DNHD1: variants seen among roughly 807,000 people sequenced by gnomAD.
DNHD1 encodes the protein dynein heavy chain domain-containing protein 1.
DNHD1 carries 383 observed loss-of-function variants against 458.1 expected under a neutral mutation model. The ratio of observed to expected loss-of-function variants is 0.84; its 90% confidence interval spans 0.77 to 0.91. The LOEUF (loss-of-function observed/expected upper bound fraction) is 0.91. DNHD1 is among the 40% of genes least tolerant of loss of function. The pLI is 0.00. For synonymous variants in DNHD1, 2,203 were observed against 2,376.9 expected (o/e 0.93, Z 2.13); for missense variants, 5,336 against 5,866.1 (o/e 0.91, Z 2.95).
chr11:6,507,862 T>C (rs777757401), intron 4 of DNHD1, among the ~76,000 whole-genome samples: 14 of 152,252 alleles, frequency 9.2e-5, no homozygotes, highest in Non-Finnish European at 1.9e-4. Context: ...TAAGAAACTT[T>C]AGTAACTTTG....
Position 6,533,995 on chromosome 11 carries a change from G to C in DNHD1, c.2820G>C (p.Leu940=). Residue 940 remains leucine (L), a synonymous_variant, in exon 14 of 43, where the codon CTG becomes CTC. Coordinates refer to ENST00000254579, the MANE Select transcript of DNHD1 (RefSeq NM_144666.3). The part of the protein sequence containing the change: ...RHAIMPKLQQ[L]MAAALAELEG... ...CCATTATGCCCAAGCTGCAGCAGCT[G>C]ATGGCAGCAGCATTGGCAGAGCTGG... 1.3e-6 allele frequency: 2 copies of C among 1,551,566 alleles called. No individual in the cohort carries two copies. Among genetic ancestry groups the C allele is most frequent in the Non-Finnish European group, 8.7e-7 (1 of 1,146,944 alleles).
In DNHD1 at chr11:6,566,586, G is replaced by C; in HGVS notation, c.11207-1G>C. Reference sequence around the variant, plus strand: ...TTAAGCATCTCCCATGTTACCCCAAGTGCTAGGTTGTGAACTGCTAAAGGG... The same window carrying C: ...TTAAGCATCTCCCATGTTACCCCAACTGCTAGGTTGTGAACTGCTAAAGGG... On this transcript the variant is annotated splice_acceptor_variant, in intron 34 of 42. Transcript: ENST00000254579. LOFTEE classifies it high-confidence loss of function. The C allele has an allele frequency of 6.2e-7, 1 of 1,613,462 alleles. No homozygotes were observed. The highest frequency in any genetic ancestry group is 8.5e-7 in the Non-Finnish European group (1 of 1,179,768).
chr11:6,566,460 A>G (rs371161597), intron 34 of DNHD1, 67 bp downstream of exon 34: 1 of 1,543,914 alleles, frequency 6.5e-7, no homozygotes, highest in South Asian at 1.2e-5. Flanking sequence ...CACCAGCCCT[A>G]AGAGGGCTTC....
chr11:6,548,204 G>A lies in DNHD1; in HGVS notation c.6906-6G>A, dbSNP rs374254223. 5.8e-6 allele frequency: 9 copies of A among 1,551,252 alleles called. No individual in the cohort carries two copies. In the African/African-American group the frequency reaches 1.1e-4, roughly 19 times the overall value. ...GACGCTTTTGCCTGTGTGTCCATCT[G>A]AGCAGGTTCTGGCCCATCTTTGATA... On this transcript the variant is annotated splice_region_variant and splice_polypyrimidine_tract_variant and intron_variant, in intron 22 of 42. Transcript: ENST00000254579. The surrounding 1 kb of genome is among the most constrained non-coding windows in gnomAD (Gnocchi z 4.4).
chr11:6,512,242 A>G (rs1209406180), intron 7 of DNHD1, among the ~76,000 whole-genome samples: 1 of 75,598 alleles, frequency 1.3e-5, no homozygotes, highest in Non-Finnish European at 2.2e-5. Context: ...TTTTTTTGAG[A>G]CGGAGTCTCG....
At chr11:6,555,955 C>T (rs1564819585) in intron 24 of DNHD1, among the ~76,000 whole-genome samples, 2 of 151,976 alleles carry the variant, frequency 1.3e-5, no homozygotes, top group African/African-American at 4.8e-5. Flanking sequence ...GTATGTAAAT[C>T]ATGTCTTAAT....
In DNHD1 at chr11:6,547,116, T is replaced by C. The variant is rs1180606019; in HGVS notation, c.6177T>C (p.Leu2059=). The C allele has an allele frequency of 6.4e-7, 1 of 1,551,712 alleles. No homozygotes were observed. The highest frequency in any genetic ancestry group is 1.2e-5 in the South Asian group (1 of 84,062). Residue 2059 remains leucine, a synonymous_variant, in exon 21 of 43, where the codon CTT becomes CTC. Transcript: ENST00000254579. The part of the protein sequence containing the change: ...CWHHGIFPKV[L]RAAGQCNNMG... ...ATCATGGCATCTTTCCCAAGGTACT[T>C]CGTGCAGCCGGTCAGTGTAACAACA...
chr11:6,563,716 G>A lies in DNHD1; in HGVS notation c.9876G>A (p.Glu3292=). 6.5e-7 allele frequency: 1 copy of A among 1,546,962 alleles called. No homozygotes were observed. The highest frequency in any genetic ancestry group is 2.4e-5 in the East Asian group (1 of 40,826). ...AGGAGCTGGTGTTCTTCCCCAAGGA[G>A]AAGATAACAGACTCAGAGCTGATAA... The part of the protein sequence containing the change: ...FYQELVFFPK[E]KITDSELIKL... The change falls in exon 31 of 43, where the codon GAG becomes GAA. Residue 3292 remains glutamate (E), a synonymous_variant. Transcript: ENST00000254579.
At chr11:6,502,474 A>T (rs572671840) in intron 3 of DNHD1, among the ~76,000 whole-genome samples, 1 of 152,232 alleles carries the variant, frequency 6.6e-6, no homozygotes, top group African/African-American at 2.4e-5. Flanking sequence ...GGTAATTCCA[A>T]TCAATCCAGA....
rs568455146 is a variant in DNHD1 at position 6,532,456 on chromosome 11, TC to T, written c.2348-570del. Among the ~76,000 whole-genome samples the T allele has an allele frequency of 7.7e-3, 1,180 of 152,342 alleles. 13 individuals carry two copies. The highest frequency in any genetic ancestry group is 0.025 in the South Asian group (119 of 4,826). ...TTAATCCTTAAAAACAAAAGGCAGATCATACTACCTTCTTGGTCCCCTTCTT... is the reference window on the plus strand; with the variant it reads ...TTAATCCTTAAAAACAAAAGGCAGATATACTACCTTCTTGGTCCCCTTCTT... On this transcript the variant is annotated intron_variant, in intron 12 of 42. Coordinates refer to ENST00000254579, the MANE Select transcript of DNHD1 (RefSeq NM_144666.3).
Position 6,545,726 on chromosome 11 carries a change from TCA to T in DNHD1, c.4790_4791del (p.Thr1597ArgfsTer27), listed in dbSNP as rs1853198117. ...CTGGAACAGCACCAGGTCAGTGATC[TCA>T]CAGACTTTCACTGGGTCCGCCAACT... On this transcript the variant is annotated frameshift_variant, in exon 21 of 43. Coordinates refer to ENST00000254579, the MANE Select transcript of DNHD1 (RefSeq NM_144666.3). This position sits in a 1 kb window ranked among gnomAD's most constrained non-coding sequence, Gnocchi z 4.9. The T allele has an allele frequency of 9.7e-6, 15 of 1,551,678 alleles. No homozygotes were observed. The highest frequency in any genetic ancestry group is 1.3e-5 in the Non-Finnish European group (15 of 1,147,002).
chr11:6,545,975 A>T lies in DNHD1; in HGVS notation c.5036A>T (p.Glu1679Val), dbSNP rs1311767635. Residue 1679 changes from glutamate (E) to valine (V), a missense_variant, in exon 21 of 43, where the codon GAG becomes GTG. By Grantham distance (121) the Glu-to-Val change is moderately radical. This residue lies in a region of DNHD1 where 3,932 missense variants were observed against 4,365.6 expected (regional missense o/e 0.90). Coordinates refer to ENST00000254579, the MANE Select transcript of DNHD1 (RefSeq NM_144666.3). The surrounding 1 kb of genome is among the most constrained non-coding windows in gnomAD (Gnocchi z 4.9). ...PALVLLLALE[E>V]VACGTVLGPN... Reference sequence around the variant, plus strand: ...CTGGTACTATTATTGGCCCTAGAGGAGGTGGCCTGTGGGACCGTACTGGGT... The same window carrying T: ...CTGGTACTATTATTGGCCCTAGAGGTGGTGGCCTGTGGGACCGTACTGGGT... 6.4e-7 allele frequency: 1 copy of T among 1,551,734 alleles called. No homozygotes were observed. Among genetic ancestry groups the T allele is most frequent in the Admixed American group, 2.0e-5 (1 of 51,010 alleles).
At chr11:6,510,711 A>G (rs1852320161) in intron 6 of DNHD1, among the ~76,000 whole-genome samples, 1 of 152,238 alleles carries the variant, frequency 6.6e-6, no homozygotes, top group Non-Finnish European at 1.5e-5. Context: ...AGTACCTCTC[A>G]GTAGACACTG....
chr11:6,504,760 G>C (rs916234732), intron 4 of DNHD1, among the ~76,000 whole-genome samples: 1 of 152,014 alleles, frequency 6.6e-6, no homozygotes, highest in African/African-American at 2.4e-5. Context: ...AGCCAGCACT[G>C]TCTGAATCAG....
chr11:6,569,847 G>GT (rs1554891631), intron 39 of DNHD1, among the ~76,000 whole-genome samples, 162 bp from the exon 40 acceptor site: 1 of 152,210 alleles, frequency 6.6e-6, no homozygotes, highest in Non-Finnish European at 1.5e-5. Context: ...AACAGGTTTT[G>GT]TGGGGGGAAA....
intron 10 of DNHD1, chr11:6,520,972 C>A (rs1189920598): frequency 2.9e-6 from 2 of 682,360 alleles, no homozygotes; most frequent in Non-Finnish European, 1.8e-6. Flanking sequence ...TGACAAGGAG[C>A]AAAAAGGTTC....
Position 6,550,119 on chromosome 11 carries a change from C to T in DNHD1, c.7387+1186C>T, listed in dbSNP as rs112415410. 4.8e-4 allele frequency among the ~76,000 whole-genome samples: 73 copies of T among 152,296 alleles called. 1 individual carries two copies. The highest frequency in any genetic ancestry group is 1.7e-3 in the African/African-American group (70 of 41,558). ...CAATTTATTGAATATCTACTATGTG[C>T]TCTATGATATGTCTATGTCATCTTC... On this transcript the variant is annotated intron_variant, in intron 24 of 42. Coordinates refer to ENST00000254579, the MANE Select transcript of DNHD1 (RefSeq NM_144666.3).
At position 6,545,015 on chromosome 11, in the gene DNHD1, T is replaced by A; in HGVS notation, c.4076T>A (p.Leu1359His). The A allele has an allele frequency of 6.4e-7, 1 of 1,551,782 alleles. No homozygotes were observed. The highest frequency in any genetic ancestry group is 1.2e-5 in the South Asian group (1 of 84,058). ...LYGVCAHFPR[L>H]FFLSDSELVA... ...GGGGTGTGTGCTCACTTCCCCCGCC[T>A]CTTCTTCCTTAGTGACAGTGAGCTG... Residue 1359 changes from leucine (L) to histidine (H), a missense_variant, in exon 21 of 43, where the codon CTC becomes CAC. Physicochemically the swap from Leu to His is moderately conservative, Grantham distance 99. Around this residue, in one of 4 missense-constraint regions of DNHD1, gnomAD observed 3,932 missense variants for 4,365.6 expected, o/e 0.90. Transcript: ENST00000254579. The surrounding 1 kb of genome is among the most constrained non-coding windows in gnomAD (Gnocchi z 4.9).
chr11:6,570,475 A>C, intron 41 of DNHD1, 79 bp downstream of exon 41: 1 of 1,504,854 alleles, frequency 6.6e-7, no homozygotes, highest in African/African-American at 1.4e-5. Context: ...TGTGGACAGC[A>C]GTCTCAATAA....
Sources: allele counts gnomAD v4.1 joint callset (sites outside exome capture counted in the v4.1 genomes callset), GRCh38; gene constraint gnomAD v4.1.1; regional missense constraint gnomAD v4.1.1; non-coding constraint Gnocchi (gnomAD v3.1); transcripts MANE v1.5; gene names NCBI Gene and HGNC (gene_info 2026-07-23, HGNC 2026-07-21).